Variants in SLIT3 observed in about 807,000 individuals in gnomAD.
The protein encoded by SLIT3 is slit guidance ligand 3.
A neutral mutation model predicts 184.0 loss-of-function variants in SLIT3; 68 were observed. The ratio of observed to expected loss-of-function variants is 0.37; its 90% CI spans 0.30 to 0.45. SLIT3 has a LOEUF of 0.45. SLIT3 is among the 20% of genes least tolerant of loss of function. The pLI is 1.00. For missense variants in SLIT3, 1,707 were observed against 2,026.0 expected (o/e 0.84, Z 3.02); for synonymous variants, 831 against 828.6 (o/e 1.00, Z -0.05).
chr5:169,015,477 T>TG (rs1267738895), intron 4 of SLIT3, among the ~76,000 whole-genome samples: 1 of 152,212 alleles, frequency 6.6e-6, no homozygotes, highest in Non-Finnish European at 1.5e-5. Context: ...GCTGGAGCAG[T>TG]GTCCGCTGCA....
intron 4 of SLIT3, among the ~76,000 whole-genome samples, chr5:169,110,661 T>C (rs1203786190): frequency 6.6e-6 from 1 of 152,186 alleles, no homozygotes; most frequent in Non-Finnish European, 1.5e-5. Context: ...TGAGGTAACA[T>C]TCACAGATAT....
intron 4 of SLIT3, among the ~76,000 whole-genome samples, chr5:169,081,410 G>A (rs935209613): frequency 2.6e-5 from 4 of 152,252 alleles, no homozygotes; most frequent in South Asian, 2.1e-4. Flanking sequence ...TTAATGAAGG[G>A]TCTCCGTAAA....
chr5:169,262,400 G>A (rs1318891558), intron 1 of SLIT3, among the ~76,000 whole-genome samples: 1 of 152,152 alleles, frequency 6.6e-6, no homozygotes, highest in Non-Finnish European at 1.5e-5. Flanking sequence ...AGACTAGAAG[G>A]AAAAGAAGGA....
At chr5:168,787,769 G>A (rs1756209066) in intron 11 of SLIT3, among the ~76,000 whole-genome samples, 1 of 152,094 alleles carries the variant, frequency 6.6e-6, no homozygotes, top group African/African-American at 2.4e-5. Context: ...ATAAATATTT[G>A]TTGAATGAAT....
At chr5:169,049,513 C>T (rs917200931) in intron 4 of SLIT3, among the ~76,000 whole-genome samples, 2 of 152,178 alleles carry the variant, frequency 1.3e-5, no homozygotes, top group African/African-American at 4.8e-5. Context: ...AAAGACCAAC[C>T]AGTGACAGCA....
chr5:168,906,588 C>A (rs917385280), intron 4 of SLIT3, among the ~76,000 whole-genome samples: 4 of 152,106 alleles, frequency 2.6e-5, no homozygotes, highest in African/African-American at 9.7e-5. Context: ...ACAGGGGTTA[C>A]CTCTACGTGG....
At chr5:168,815,890 G>T (rs1220119416) in intron 8 of SLIT3, among the ~76,000 whole-genome samples, 1 of 152,174 alleles carries the variant, frequency 6.6e-6, no homozygotes, top group Non-Finnish European at 1.5e-5. Context: ...GAGAAATGCA[G>T]AGCTCACAGT....
chr5:168,737,689 T>C (rs1763483738), intron 20 of SLIT3, among the ~76,000 whole-genome samples: 1 of 152,192 alleles, frequency 6.6e-6, no homozygotes. Flanking sequence ...CAGGGGTAGA[T>C]ATGGGGGAAA....
intron 4 of SLIT3, among the ~76,000 whole-genome samples, chr5:168,920,617 C>T (rs894450380): frequency 3.3e-5 from 5 of 152,166 alleles, no homozygotes; most frequent in Admixed American, 6.5e-5. Context: ...CAAGTGTGTT[C>T]GCATTCAGGC....
At chr5:169,173,911 C>T (rs1015317930) in intron 4 of SLIT3, among the ~76,000 whole-genome samples, 1 of 152,206 alleles carries the variant, frequency 6.6e-6, no homozygotes, top group Non-Finnish European at 1.5e-5. Flanking sequence ...GATGCACACT[C>T]AGCTCATCCA....
Position 168,737,788 on chromosome 5 carries a change from CTGA to C in SLIT3, c.2270+10511_2270+10513del, listed in dbSNP as rs368342764. Among the ~76,000 whole-genome samples, 253 of 152,250 alleles carry C rather than the reference CTGA, an allele frequency of 1.7e-3. 1 individual carries two copies. The highest frequency in any genetic ancestry group is 5.9e-3 in the African/African-American group (246 of 41,554). The stretch of plus-strand genomic sequence containing the variant: ...GAGTTTGTTTCCAGAACCAGGAAAC[CTGA>C]TGTTTGTAAACATTTCCATAAATGG... On this transcript the variant is annotated intron_variant, in intron 20 of 35. Transcript: ENST00000519560.
chr5:168,723,009 G>A lies in SLIT3; in HGVS notation c.2340-5C>T. ...ATGCTGTTGTTGCTCAGGTCACTAGGAAAAGTAAAACAGAGGGGTCATGCT... is the reference window on the plus strand; with the variant it reads ...ATGCTGTTGTTGCTCAGGTCACTAGAAAAAGTAAAACAGAGGGGTCATGCT... On this transcript the variant is annotated splice_polypyrimidine_tract_variant and splice_region_variant and intron_variant, in intron 21 of 35. Transcript: ENST00000519560. 1 of 1,612,690 alleles carries A rather than the reference G, an allele frequency of 6.2e-7. No individual in the cohort carries two copies. The highest frequency in any genetic ancestry group is 8.5e-7 in the Non-Finnish European group (1 of 1,178,748).
At chr5:168,953,965 T>C (rs1015589854) in intron 4 of SLIT3, among the ~76,000 whole-genome samples, 1 of 151,878 alleles carries the variant, frequency 6.6e-6, no homozygotes, top group African/African-American at 2.4e-5. Flanking sequence ...AATACAGTCA[T>C]AATGGGCCCC....
intron 26 of SLIT3, among the ~76,000 whole-genome samples, chr5:168,704,024 A>G (rs1483999352): frequency 3.3e-5 from 5 of 151,078 alleles, no homozygotes; most frequent in African/African-American, 1.2e-4. Flanking sequence ...TCGCACGAGG[A>G]ATGCTGCTAA....
At chr5:169,051,833 G>A (rs112059080) in intron 4 of SLIT3, among the ~76,000 whole-genome samples, 41 of 152,206 alleles carry the variant, frequency 2.7e-4, no homozygotes, top group African/African-American at 9.6e-4. Context: ...AGAAAGAAAG[G>A]AAGAGAGTGA....
chr5:169,011,126 C>T (rs979941397), intron 4 of SLIT3, among the ~76,000 whole-genome samples: 1 of 152,140 alleles, frequency 6.6e-6, no homozygotes, highest in African/African-American at 2.4e-5. Context: ...CTTCAGCCTC[C>T]AGTCCAGCTC....
rs111442869 is a variant in SLIT3 at position 168,967,658 on chromosome 5, T to C, written c.414-84322A>G. Among the ~76,000 whole-genome samples the C allele has an allele frequency of 1.0e-3, 144 of 139,768 alleles. 1 individual carries two copies. Among genetic ancestry groups the C allele is most frequent in the African/African-American group, 3.4e-3 (135 of 40,096 alleles). 91.7% of individuals were successfully genotyped at this position (139,768 alleles called of 152,430 possible). A position where few individuals can be genotyped will look rare whatever the true frequency, so the allele number is the denominator to read the frequency against. The stretch of plus-strand genomic sequence containing the variant: ...GGTTTCACCGTTTTAGCCGGGATGG[T>C]CTCGATCTCCTGACCTCGTGATCCG... On this transcript the variant is annotated intron_variant, in intron 4 of 35. Coordinates refer to ENST00000519560, the MANE Select transcript of SLIT3 (RefSeq NM_003062.4).
chr5:169,084,456 T>A (rs1414587071), intron 4 of SLIT3, among the ~76,000 whole-genome samples: 3 of 42,994 alleles, frequency 7.0e-5, no homozygotes, highest in African/African-American at 3.0e-4. Flanking sequence ...ATGCCCAGAT[T>A]TTTTTTTTTT....
intron 5 of SLIT3, among the ~76,000 whole-genome samples, chr5:168,874,640 A>G (rs1382036208): frequency 3.3e-5 from 5 of 152,198 alleles, no homozygotes; most frequent in African/African-American, 1.2e-4. Flanking sequence ...GGCCTAGAAG[A>G]AATTCTACTT....
Sources: allele counts gnomAD v4.1 joint callset (sites outside exome capture counted in the v4.1 genomes callset), GRCh38; gene constraint gnomAD v4.1.1; transcripts MANE v1.5; gene names NCBI Gene and HGNC (gene_info 2026-07-23, HGNC 2026-07-21).